Variants in FUT9 observed in about 807,000 individuals in gnomAD.
The protein encoded by FUT9 is fucosyltransferase 9.
A neutral mutation model predicts 29.7 loss-of-function variants in FUT9; 15 were observed. That is an observed-to-expected ratio of 0.51 (90% CI 0.34 to 0.78). FUT9 has a LOEUF of 0.78. FUT9 is among the 30% of genes least tolerant of loss of function. The pLI, the probability that FUT9 is intolerant of heterozygous loss-of-function variation, is 0.01. For missense variants in FUT9, 319 were observed against 425.4 expected, an observed-to-expected ratio of 0.75 and a Z score of 2.20; for synonymous variants, 169 against 153.7, an observed-to-expected ratio of 1.10 and a Z score of -0.74.
chr6:96,026,991 T>C (rs910915940), intron 1 of FUT9, among the ~76,000 whole-genome samples: 21 of 151,696 alleles, frequency 1.4e-4, no homozygotes, highest in African/African-American at 5.1e-4. Flanking sequence ...TTGAATTTAC[T>C]TTCAGATATT....
intron 1 of FUT9, among the ~76,000 whole-genome samples, chr6:96,074,651 A>G (rs898806215): frequency 6.6e-6 from 1 of 152,166 alleles, no homozygotes; most frequent in African/African-American, 2.4e-5. Flanking sequence ...CAATATGGTC[A>G]CCTATATAAC....
At chr6:96,110,815 C>CTATTTTTTCTTTATT (rs11283884) in intron 1 of FUT9, among the ~76,000 whole-genome samples, 1 of 145,046 alleles carries the variant, frequency 6.9e-6, no homozygotes, top group Non-Finnish European at 1.5e-5. Context: ...ACAAATGTGC[C>CTATTTTTTCTTTATT]TATTTATTTA....
At chr6:96,108,650 G>A (rs12205506) in intron 1 of FUT9, among the ~76,000 whole-genome samples, 13,095 of 152,190 alleles carry the variant, frequency 0.086, 685 homozygotes, top group Non-Finnish European at 0.11. Context: ...CTGTTCCACA[G>A]AGGCCAATAT....
At chr6:96,187,296 G>A (rs1279328924) in intron 2 of FUT9, among the ~76,000 whole-genome samples, 2 of 152,142 alleles carry the variant, frequency 1.3e-5, no homozygotes. Flanking sequence ...CAGCAAGAAA[G>A]TTTGATTCAG....
intron 2 of FUT9, among the ~76,000 whole-genome samples, chr6:96,169,892 G>A (rs1375176329): frequency 6.6e-6 from 1 of 152,090 alleles, no homozygotes; most frequent in African/African-American, 2.4e-5. Flanking sequence ...GCCAACCAAA[G>A]AAATTTGGAG....
At chr6:96,033,761 CTCAAAT>C (rs1366963807) in intron 1 of FUT9, among the ~76,000 whole-genome samples, 2 of 151,654 alleles carry the variant, frequency 1.3e-5, no homozygotes, top group Non-Finnish European at 2.9e-5. Context: ...TTCATACACA[CTCAAAT>C]TCAAACACAT....
rs988046201 is a variant in FUT9, at chr6:96,206,852, T to C, written c.*2617T>C. On this transcript the variant is annotated 3_prime_UTR_variant, in exon 3 of 3. Transcript: ENST00000302103. ...CCTTGGCTCTAGTGAATGTTCATGA[T>C]TTGAAAGAACTGAAAGACCTAAAGG... The C allele has an allele frequency of 2.4e-5, 4 of 167,032 alleles. No homozygotes were observed. In the Admixed American group the frequency reaches 2.6e-4, roughly 11 times the overall value. 10.3% of individuals were successfully genotyped at this position (167,032 alleles called of 1,614,324 possible).
intron 1 of FUT9, among the ~76,000 whole-genome samples, chr6:96,016,543 C>T (rs2127918422): frequency 6.6e-6 from 1 of 152,292 alleles, no homozygotes; most frequent in African/African-American, 2.4e-5. Flanking sequence ...GTTACTGTCC[C>T]TGCGTTCCCA....
At chr6:96,054,386 A>C (rs1259277931) in intron 1 of FUT9, among the ~76,000 whole-genome samples, 1 of 152,196 alleles carries the variant, frequency 6.6e-6, no homozygotes, top group African/African-American at 2.4e-5. Flanking sequence ...GTAATGTGAA[A>C]TATGCTCTAT....
At chr6:96,101,155 G>A (rs1771579135) in intron 1 of FUT9, among the ~76,000 whole-genome samples, 1 of 152,136 alleles carries the variant, frequency 6.6e-6, no homozygotes, top group South Asian at 2.1e-4. Flanking sequence ...TTCAGTTCAT[G>A]CAAATATATA....
At position 96,030,358 on chromosome 6, in the gene FUT9, G is replaced by C. The variant is rs79294404; in HGVS notation, c.-98+14146G>C. Among the ~76,000 whole-genome samples, 869 of 151,608 alleles carry C rather than the reference G, an allele frequency of 5.7e-3. 16 individuals are homozygous for C. The highest frequency in any genetic ancestry group is 0.02 in the African/African-American group (838 of 41,438). ...TGGTAGGCAAAAAAAGTAGTGAAAA[G>C]ATGTTCAACACTGGTAATTACTAAG... On this transcript the variant is annotated intron_variant, in intron 1 of 2. Coordinates refer to ENST00000302103, the MANE Select transcript of FUT9 (RefSeq NM_006581.4).
intron 1 of FUT9, among the ~76,000 whole-genome samples, chr6:96,106,371 A>G (rs1337788451): frequency 1.3e-5 from 2 of 152,102 alleles, no homozygotes; most frequent in East Asian, 1.9e-4. Context: ...TCTTAAAAAT[A>G]TGTGCTTTTA....
intron 2 of FUT9, among the ~76,000 whole-genome samples, chr6:96,141,242 T>G (rs958568035): frequency 4.6e-5 from 7 of 152,218 alleles, no homozygotes; most frequent in Non-Finnish European, 8.8e-5. Flanking sequence ...TGATAAAATC[T>G]AGACAGAATA....
At chr6:96,061,972 T>C (rs961296344) in intron 1 of FUT9, among the ~76,000 whole-genome samples, 10 of 152,216 alleles carry the variant, frequency 6.6e-5, no homozygotes, top group Non-Finnish European at 8.8e-5. Flanking sequence ...ATCCATACTT[T>C]GGAAGTCAAT....
chr6:96,116,412 A>C (rs1462040524), intron 2 of FUT9, among the ~76,000 whole-genome samples: 1 of 152,228 alleles, frequency 6.6e-6, no homozygotes, highest in Non-Finnish European at 1.5e-5. Context: ...TATATGATCC[A>C]GTGATCCCAT....
chr6:96,174,792 G>A (rs1330411546), intron 2 of FUT9, among the ~76,000 whole-genome samples: 1 of 152,156 alleles, frequency 6.6e-6, no homozygotes. Context: ...CAGTTAGGAA[G>A]TAAATAATAG....
intron 2 of FUT9, among the ~76,000 whole-genome samples, chr6:96,147,819 T>A (rs928042467): frequency 1.3e-4 from 20 of 150,638 alleles, no homozygotes; most frequent in African/African-American, 4.9e-4. Flanking sequence ...GCATAAATAA[T>A]CTGCAGGAGT....
chr6:96,016,836 G>A (rs1266690070), intron 1 of FUT9, among the ~76,000 whole-genome samples: 1 of 152,184 alleles, frequency 6.6e-6, no homozygotes, highest in African/African-American at 2.4e-5. Context: ...GTTACTTTGT[G>A]TGTTACTCAG....
In FUT9 at chr6:96,211,542, T is replaced by C. The variant is rs1263494323; in HGVS notation, c.*7307T>C. 4 of 166,856 alleles carry C rather than the reference T, an allele frequency of 2.4e-5. No individual in the cohort carries two copies. Among genetic ancestry groups the C allele is most frequent in the African/African-American group, 9.7e-5 (4 of 41,434 alleles). The allele number at this position is 166,856 out of a possible 1,614,324, so 10.3% of individuals were successfully genotyped here. On this transcript the variant is annotated 3_prime_UTR_variant, in exon 3 of 3. Transcript: ENST00000302103. ...AACTAATTTAAAAAAAAGCTAAAAG[T>C]TGCTTTTAATATGTTAGGGTATAAC...
Sources: allele counts gnomAD v4.1 joint callset (sites outside exome capture counted in the v4.1 genomes callset), GRCh38; gene constraint gnomAD v4.1.1; transcripts MANE v1.5; gene names NCBI Gene and HGNC (gene_info 2026-07-23, HGNC 2026-07-21).